Variants in LINGO2 observed in about 807,000 individuals in gnomAD.
LINGO2 encodes leucine-rich repeat and immunoglobulin-like domain-containing nogo receptor-interacting protein 2.
A neutral mutation model predicts 30.6 loss-of-function variants in LINGO2; 14 were observed. That is an observed-to-expected ratio of 0.46 (90% CI 0.30 to 0.72). The LOEUF (loss-of-function observed/expected upper bound fraction) is 0.72. Ranked by LOEUF, LINGO2 falls within the 30% of genes least tolerant of loss-of-function variation. The pLI is 0.07. For synonymous variants in LINGO2, 317 were observed against 288.5 expected, an observed-to-expected ratio of 1.10 and a Z score of -1.00; for missense variants, 729 against 751.7, an observed-to-expected ratio of 0.97 and a Z score of 0.35.
chr9:28,846,429 A>T, the LINGO2 span, among the ~76,000 whole-genome samples: 3 of 125,420 alleles, frequency 2.4e-5, 1 homozygote, highest in Admixed American at 7.7e-5. Context: ...AACCACTCTT[A>T]AGATTCCCGA....
the LINGO2 span, among the ~76,000 whole-genome samples, chr9:29,122,886 T>C: frequency 6.6e-6 from 1 of 152,110 alleles, no homozygotes; most frequent in Non-Finnish European, 1.5e-5. Context: ...TCTTGGGACA[T>C]AAATGACCTA....
At chr9:28,350,925 G>A (rs1356103068) in intron 3 of LINGO2, among the ~76,000 whole-genome samples, 1 of 151,976 alleles carries the variant, frequency 6.6e-6, no homozygotes, top group Non-Finnish European at 1.5e-5. Flanking sequence ...AATGAAGGCA[G>A]AAATAAAGAT....
the LINGO2 span, among the ~76,000 whole-genome samples, chr9:29,067,451 C>T: frequency 6.6e-6 from 1 of 151,652 alleles, no homozygotes; most frequent in East Asian, 1.9e-4. Context: ...ATTTACCTGG[C>T]TAAAATTTTC....
the LINGO2 span, among the ~76,000 whole-genome samples, chr9:29,212,168 C>T: frequency 1.3e-5 from 2 of 152,176 alleles, no homozygotes; most frequent in Non-Finnish European, 2.9e-5. Context: ...CTTTCCAGAG[C>T]TCAGCCGGGT....
the LINGO2 span, among the ~76,000 whole-genome samples, chr9:29,006,010 G>T: frequency 6.6e-6 from 1 of 151,682 alleles, no homozygotes; most frequent in South Asian, 2.1e-4. Flanking sequence ...TCTAATCTCT[G>T]TCTCACTGTG....
At chr9:28,772,356 A>T in the LINGO2 span, among the ~76,000 whole-genome samples, 2 of 152,142 alleles carry the variant, frequency 1.3e-5, no homozygotes, top group Admixed American at 1.3e-4. Context: ...TCTCTCTGTC[A>T]TCTTTACTAT....
the LINGO2 span, among the ~76,000 whole-genome samples, chr9:28,838,370 CATT>C: frequency 6.6e-6 from 1 of 152,178 alleles, no homozygotes; most frequent in Admixed American, 6.5e-5. Flanking sequence ...CATAGGTAAT[CATT>C]AGTATTATTT....
intron 4 of LINGO2, among the ~76,000 whole-genome samples, chr9:28,067,843 A>G (rs896823451): frequency 6.6e-6 from 1 of 152,222 alleles, no homozygotes; most frequent in African/African-American, 2.4e-5. Flanking sequence ...CGATGTAGAT[A>G]CGTTGGGCAT....
intron 1 of LINGO2, among the ~76,000 whole-genome samples, chr9:28,565,233 G>T (rs1399911761): frequency 6.6e-6 from 1 of 152,048 alleles, no homozygotes; most frequent in Non-Finnish European, 1.5e-5. Flanking sequence ...TGTCGCCCAG[G>T]CTGGAGTGCA....
At chr9:28,735,971 T>C in the LINGO2 span, among the ~76,000 whole-genome samples, 2 of 142,844 alleles carry the variant, frequency 1.4e-5, no homozygotes, top group Non-Finnish European at 3.1e-5. Context: ...GAGGATGTCA[T>C]GTGAAAAATT....
chr9:28,158,265 T>C (rs546914144), intron 4 of LINGO2, among the ~76,000 whole-genome samples: 13 of 152,216 alleles, frequency 8.5e-5, no homozygotes, highest in African/African-American at 2.6e-4. Flanking sequence ...TTATTCGCTG[T>C]CACGAGAACA....
the LINGO2 span, among the ~76,000 whole-genome samples, chr9:28,894,104 G>A: frequency 1.3e-5 from 2 of 152,064 alleles, no homozygotes; most frequent in African/African-American, 4.8e-5. Flanking sequence ...TGGTTGCATA[G>A]TATTCCATGG....
chr9:28,053,234 A>G (rs560941751), intron 4 of LINGO2, among the ~76,000 whole-genome samples: 5 of 152,026 alleles, frequency 3.3e-5, no homozygotes, highest in Non-Finnish European at 7.4e-5. Context: ...GAGAATGGAG[A>G]GGAATTACAT....
chr9:28,841,008 T>C, the LINGO2 span, among the ~76,000 whole-genome samples: 1 of 151,890 alleles, frequency 6.6e-6, no homozygotes, highest in Non-Finnish European at 1.5e-5. Flanking sequence ...TCGAGTTTCA[T>C]TCTTGTTTTG....
chr9:29,053,527 G>A, the LINGO2 span, among the ~76,000 whole-genome samples: 37 of 152,072 alleles, frequency 2.4e-4, no homozygotes, highest in East Asian at 4.3e-3. Flanking sequence ...AAACCTGCAC[G>A]TTGTGCACAT....
rs187109609 is a variant in LINGO2, at chr9:28,236,952, A to T, written c.-87+58256T>A. Among the ~76,000 whole-genome samples the T allele has an allele frequency of 5.0e-3, 768 of 152,246 alleles. 5 individuals carry two copies. Among genetic ancestry groups the T allele is most frequent in the Non-Finnish European group, 8.8e-3 (599 of 68,006 alleles). On this transcript the variant is annotated intron_variant, in intron 4 of 5. Transcript: ENST00000379992. The stretch of plus-strand genomic sequence containing the variant: ...GGGGTTGAATACCCAATTTGTCATC[A>T]TGTGATTATTATGCATTGCATGTCT...
rs1391271287 is a variant in LINGO2 at position 28,329,466 on chromosome 9, C to T, written c.-245-34100G>A. Reference sequence around the variant, plus strand: ...CTTCGGCCAAGTCATTATTTCTTGTCATGTATATACAAGTTTTGCTCCTGT... The same window carrying T: ...CTTCGGCCAAGTCATTATTTCTTGTTATGTATATACAAGTTTTGCTCCTGT... On this transcript the variant is annotated intron_variant, in intron 3 of 5. Coordinates refer to ENST00000379992, the Ensembl canonical transcript of LINGO2. This position sits in a 1 kb window ranked among gnomAD's most constrained non-coding sequence, Gnocchi z 4.5. 6.6e-6 allele frequency among the ~76,000 whole-genome samples: 1 copy of T among 152,126 alleles called. No individual in the cohort carries two copies. The highest frequency in any genetic ancestry group is 1.5e-5 in the Non-Finnish European group (1 of 68,014).
chr9:28,160,265 G>A (rs554700602), intron 4 of LINGO2, among the ~76,000 whole-genome samples: 95 of 152,268 alleles, frequency 6.2e-4, no homozygotes, highest in Middle Eastern at 3.4e-3. Flanking sequence ...CATCTTGTGT[G>A]ATATCTTGAG....
chr9:28,077,791 GAGAAGAA>G lies in LINGO2; in HGVS notation c.-86-65393_-86-65387del, dbSNP rs1400929908. Among the ~76,000 whole-genome samples the G allele has an allele frequency of 1.1e-4, 14 of 123,562 alleles. 1 individual carries two copies. Among genetic ancestry groups the G allele is most frequent in the Non-Finnish European group, 2.1e-4 (12 of 57,792 alleles). 81.1% of individuals were successfully genotyped at this position (123,562 alleles called of 152,430 possible). ...TTTGATATGGTTGTAAAAAAAGAAAGAGAAGAAAGAAGAAAGAAGTAGAAAAGAAAGA... is the reference window on the plus strand; with the variant it reads ...TTTGATATGGTTGTAAAAAAAGAAAGAGAAGAAAGAAGTAGAAAAGAAAGA... On this transcript the variant is annotated intron_variant, in intron 4 of 5. Transcript: ENST00000379992.
Sources: allele counts gnomAD v4.1 joint callset (sites outside exome capture counted in the v4.1 genomes callset), GRCh38; gene constraint gnomAD v4.1.1; non-coding constraint Gnocchi (gnomAD v3.1); transcripts MANE v1.5; gene names NCBI Gene and HGNC (gene_info 2026-07-23, HGNC 2026-07-21).